CPEB4: variants seen among roughly 807,000 people sequenced by gnomAD.
The protein encoded by CPEB4 is cytoplasmic polyadenylation element binding protein 4, also known as cytoplasmic polyadenylation element-binding protein 4.
CPEB4 carries 12 observed loss-of-function variants against 72.5 expected under a neutral mutation model. The observed-to-expected ratio is 0.17, with a 90% CI of 0.11 to 0.27. The LOEUF is 0.27. CPEB4 is among the 10% of genes least tolerant of loss of function. CPEB4 has a pLI of 1.00. For missense variants in CPEB4, 614 were observed against 908.5 expected (o/e 0.68, Z 4.17); for synonymous variants, 302 against 326.3 (o/e 0.93, Z 0.80).
At chr5:173,932,620 T>A in intron 3 of CPEB4, 120 bp downstream of exon 3, 1 of 669,426 alleles carries the variant, frequency 1.5e-6, no homozygotes, top group Non-Finnish European at 2.4e-6. Context: ...GCTATTAAAC[T>A]ATCAGCTATT....
At chr5:173,948,107 A>C (rs1758092524) in intron 5 of CPEB4, among the ~76,000 whole-genome samples, 1 of 152,162 alleles carries the variant, frequency 6.6e-6, no homozygotes, top group South Asian at 2.1e-4. Flanking sequence ...ACCCAAACTG[A>C]TATCAATAAA....
intron 2 of CPEB4, among the ~76,000 whole-genome samples, chr5:173,930,610 C>G (rs753320689): frequency 2.8e-4 from 42 of 152,276 alleles, no homozygotes; most frequent in Admixed American, 1.2e-3. Context: ...TACCTCCACT[C>G]CCTACATAGG....
intron 2 of CPEB4, among the ~76,000 whole-genome samples, chr5:173,923,282 A>G (rs931817981): frequency 1.3e-5 from 2 of 152,208 alleles, no homozygotes; most frequent in Non-Finnish European, 2.9e-5. Context: ...GTAGCATTCT[A>G]TTTTATAAAA....
At chr5:173,935,753 T>C (rs753997760) in intron 3 of CPEB4, among the ~76,000 whole-genome samples, 1 of 121,586 alleles carries the variant, frequency 8.2e-6, no homozygotes, top group Non-Finnish European at 1.7e-5. Flanking sequence ...CAGCCTCTTA[T>C]TGGAAAAATT....
intron 3 of CPEB4, among the ~76,000 whole-genome samples, chr5:173,934,980 A>G (rs1478000979): frequency 6.6e-6 from 1 of 152,190 alleles, no homozygotes; most frequent in African/African-American, 2.4e-5. Flanking sequence ...GGGTACCTGT[A>G]TTGCAAATCT....
intron 2 of CPEB4, among the ~76,000 whole-genome samples, chr5:173,920,489 G>A (rs775483158): frequency 6.6e-6 from 1 of 152,182 alleles, no homozygotes; most frequent in South Asian, 2.1e-4. Flanking sequence ...TAAACCAGCT[G>A]CCTGATTTCT....
chr5:173,911,528 A>AT (rs1326608433), intron 2 of CPEB4, among the ~76,000 whole-genome samples: 1 of 151,912 alleles, frequency 6.6e-6, no homozygotes, highest in East Asian at 1.9e-4. Flanking sequence ...TCCCAAAGTT[A>AT]TTTTTTAATA....
In CPEB4 at chr5:173,890,370, C is replaced by G. The variant is rs1273279105; in HGVS notation, c.637C>G (p.His213Asp). Residue 213 changes from histidine to aspartate, a missense_variant, in exon 1 of 10, where the codon CAT becomes GAT. Transcript: ENST00000265085. ...GALLFQNFPHHVSPGFGGSFS... is the reference protein window; with the variant it reads ...GALLFQNFPHDVSPGFGGSFS... Reference sequence around the variant, plus strand: ...TCTGTTGTTTCAAAATTTCCCCCATCATGTCAGCCCTGGCTTTGGAGGCAG... The same window carrying G: ...TCTGTTGTTTCAAAATTTCCCCCATGATGTCAGCCCTGGCTTTGGAGGCAG... 13 of 1,614,034 alleles carry G rather than the reference C, an allele frequency of 8.1e-6. No homozygotes were observed. Among genetic ancestry groups the G allele is most frequent in the Middle Eastern group, 1.6e-4 (1 of 6,084 alleles).
Position 173,888,681 on chromosome 5 carries a change from T to C in CPEB4, c.-1053T>C. On this transcript the variant is annotated 5_prime_UTR_variant, in exon 1 of 10. Coordinates refer to ENST00000265085, the MANE Select transcript of CPEB4 (RefSeq NM_030627.4). The surrounding 1 kb of genome is among the most constrained non-coding windows in gnomAD (Gnocchi z 4.3). Reference sequence around the variant, plus strand: ...TTAAAATAACTACGGTAGTGGGTTTTTCCTTTTTTTCCTCTTTTTTCCCTC... The same window carrying C: ...TTAAAATAACTACGGTAGTGGGTTTCTCCTTTTTTTCCTCTTTTTTCCCTC... The C allele has an allele frequency of 2.5e-6, 1 of 397,912 alleles. No individual in the cohort carries two copies. The highest frequency in any genetic ancestry group is 3.6e-5 in the East Asian group (1 of 28,164). 24.6% of individuals were successfully genotyped at this position (397,912 alleles called of 1,614,324 possible).
At chr5:173,925,817 G>A (rs1757224731) in intron 2 of CPEB4, among the ~76,000 whole-genome samples, 1 of 152,160 alleles carries the variant, frequency 6.6e-6, no homozygotes, top group African/African-American at 2.4e-5. Flanking sequence ...AGCAGAGGTA[G>A]GAGCAGCACT....
chr5:173,956,183 C>G lies in CPEB4; in HGVS notation c.*46C>G. ...TTTCAGGCCTCAGAATAAGTGCACT[C>G]TTCTGTTCATTCTGACCCCTTCCTC... On this transcript the variant is annotated 3_prime_UTR_variant, in exon 10 of 10. Transcript: ENST00000265085. The G allele has an allele frequency of 6.8e-7, 1 of 1,478,704 alleles. No individual in the cohort carries two copies. The highest frequency in any genetic ancestry group is 9.4e-7 in the Non-Finnish European group (1 of 1,058,346). 91.6% of individuals were successfully genotyped at this position (1,478,704 alleles called of 1,614,324 possible).
In CPEB4 at chr5:173,956,905, G is replaced by A. The variant is rs978600693; in HGVS notation, c.*768G>A. The A allele has an allele frequency of 1.3e-5, 2 of 152,486 alleles. No homozygotes were observed. Among genetic ancestry groups the A allele is most frequent in the Non-Finnish European group, 2.9e-5 (2 of 68,004 alleles). The allele number at this position is 152,486 out of a possible 1,614,324, so 9.4% of individuals were successfully genotyped here. On this transcript the variant is annotated 3_prime_UTR_variant, in exon 10 of 10. Transcript: ENST00000265085. ...TTAAAATTCAGAATGTAAAAATTGG[G>A]TAAATTTACTACTGAGGGGAGTGCA...
chr5:173,949,248 A>G (rs1484497055), intron 5 of CPEB4, among the ~76,000 whole-genome samples: 2 of 152,178 alleles, frequency 1.3e-5, no homozygotes, highest in Admixed American at 1.3e-4. Context: ...CATTTCAGAA[A>G]AAGATGCTGG....
intron 2 of CPEB4, chr5:173,910,826 C>T (rs1418932144): frequency 2.2e-6 from 1 of 459,644 alleles, no homozygotes; most frequent in African/African-American, 2.0e-5. Flanking sequence ...TACGTGAGTA[C>T]TAATTGCCAA....
At chr5:173,931,202 T>C (rs1213502956) in intron 2 of CPEB4, among the ~76,000 whole-genome samples, 2 of 152,188 alleles carry the variant, frequency 1.3e-5, no homozygotes, top group Admixed American at 1.3e-4. Context: ...GTTGTTAATA[T>C]GTAGCTGTTG....
At chr5:173,916,587 A>G (rs541729129) in intron 2 of CPEB4, among the ~76,000 whole-genome samples, 1 of 152,320 alleles carries the variant, frequency 6.6e-6, no homozygotes, top group South Asian at 2.1e-4. Context: ...GCATTTTAAA[A>G]CACTTTCATA....
At chr5:173,939,956 C>CAAAAAAAAAAAA (rs35154045) in intron 3 of CPEB4, among the ~76,000 whole-genome samples, 1 of 68,376 alleles carries the variant, frequency 1.5e-5, no homozygotes, top group Non-Finnish European at 2.8e-5. Context: ...TAATAAAATA[C>CAAAAAAAAAAAA]AAAAAAAAAA....
chr5:173,949,916 A>C, intron 6 of CPEB4, 44 bp from the exon 7 acceptor site: 1 of 1,382,104 alleles, frequency 7.2e-7, no homozygotes, highest in South Asian at 1.2e-5. Context: ...AGAATTACCA[A>C]AAAATAGGAA....
intron 2 of CPEB4, among the ~76,000 whole-genome samples, chr5:173,921,543 C>A (rs1757072605): frequency 6.6e-6 from 1 of 152,092 alleles, no homozygotes; most frequent in Admixed American, 6.6e-5. Flanking sequence ...ATCTTTATTC[C>A]TTTGTAGCAG....
Sources: gnomAD v4.1 joint callset for allele counts (sites outside exome capture counted in the v4.1 genomes callset) on GRCh38, gnomAD v4.1.1 for gene constraint, Gnocchi (gnomAD v3.1) non-coding constraint, MANE v1.5 for transcripts, NCBI Gene and HGNC (gene_info 2026-07-23, HGNC 2026-07-21) for gene names.